The following CARS2 variants were observed in gnomAD, a reference collection of about 807,000 sequenced individuals.
CARS2 encodes probable cysteine--tRNA ligase, mitochondrial.
CARS2 carries 52 observed loss-of-function variants against 68.8 expected under a neutral mutation model. The observed-to-expected ratio is 0.76, with a 90% CI of 0.61 to 0.95. CARS2 has a LOEUF of 0.95. CARS2 is among the 40% of genes least tolerant of loss of function. The probability of loss-of-function intolerance (pLI) is 0.00; values close to 1 mark genes in which losing one functional copy is unlikely to be tolerated. For synonymous variants in CARS2, 314 were observed against 303.6 expected (o/e 1.03, Z -0.36); for missense variants, 780 against 754.2 (o/e 1.03, Z -0.40).
intron 5 of CARS2, among the ~76,000 whole-genome samples, chr13:110,685,861 G>GAC (rs2063286261): frequency 1.3e-5 from 2 of 151,922 alleles, no homozygotes; most frequent in South Asian, 4.1e-4. Flanking sequence ...GGGTCCACCA[G>GAC]ACAAAGATTA....
rs376640710 is a variant in CARS2 at position 110,705,498 on chromosome 13, A to C, written c.275+23T>G. The C allele has an allele frequency of 6.4e-7, 1 of 1,560,044 alleles. No individual in the cohort carries two copies. The highest frequency in any genetic ancestry group is 1.4e-5 in the African/African-American group (1 of 72,614). ...AAATAAATGGTCCTTTGAAGTATGA[A>C]AATTCAAATCCAGGAAACTCACCAA... On this transcript the variant is annotated intron_variant, in intron 2 of 14. Coordinates refer to ENST00000257347, the MANE Select transcript of CARS2 (RefSeq NM_024537.4). This position sits in a 1 kb window ranked among gnomAD's most constrained non-coding sequence, Gnocchi z 4.0.
At position 110,649,931 on chromosome 13, in the gene CARS2, CTTTTTTT is replaced by C. The variant is rs59276783; in HGVS notation, c.1054+1096_1054+1102del. On this transcript the variant is annotated intron_variant, in intron 10 of 14. Transcript: ENST00000257347. ...CCAGGGATGCAGCTCTGGATAACGA[CTTTTTTT>C]TTTTTTTTTTTTTTTTTGAGACAGG... Among the ~76,000 whole-genome samples the C allele has an allele frequency of 6.9e-3, 505 of 73,156 alleles. 6 individuals are homozygous for C. Among genetic ancestry groups the C allele is most frequent in the African/African-American group, 0.025 (490 of 19,278 alleles). 48.0% of individuals were successfully genotyped at this position (73,156 alleles called of 152,430 possible).
At chr13:110,693,421 G>A (rs544339900) in intron 3 of CARS2, among the ~76,000 whole-genome samples, 12 of 152,076 alleles carry the variant, frequency 7.9e-5, no homozygotes, top group African/African-American at 2.9e-4. Context: ...GTGCAGTGGC[G>A]CAATCTCGGC....
Position 110,645,785 on chromosome 13 carries a change from C to G in CARS2, c.1317+182G>C. On this transcript the variant is annotated intron_variant, in intron 12 of 14. Transcript: ENST00000257347. ...GGCCCTGAGGCCCGGGAGGGTCAAG[C>G]CCCAGGCTGGGTGCCATCCCGTGTG... The G allele has an allele frequency of 3.9e-6, 3 of 760,896 alleles. No individual in the cohort carries two copies. The South Asian group carries it at 6.0e-5, about 15-fold the overall frequency. The allele number at this position is 760,896 out of a possible 1,614,324, so 47.1% of individuals were successfully genotyped here. A position where few individuals can be genotyped will look rare whatever the true frequency, so the allele number is the denominator to read the frequency against.
intron 3 of CARS2, among the ~76,000 whole-genome samples, chr13:110,700,754 A>T (rs2063760797): frequency 6.6e-6 from 1 of 152,252 alleles, no homozygotes; most frequent in African/African-American, 2.4e-5. Flanking sequence ...CATTAGCACA[A>T]ATATGAATAC....
At chr13:110,646,198 G>A (rs919910601) in intron 11 of CARS2, 108 bp from the exon 12 acceptor site, 54 of 1,332,772 alleles carry the variant, frequency 4.1e-5, no homozygotes, top group African/African-American at 5.9e-5. Flanking sequence ...CTAATCTGGG[G>A]ACTTTCTCTA....
intron 14 of CARS2, among the ~76,000 whole-genome samples, 153 bp downstream of exon 14, chr13:110,642,162 A>G (rs2139666034): frequency 1.3e-5 from 2 of 152,272 alleles, no homozygotes; most frequent in Middle Eastern, 3.4e-3. Context: ...AGCCGAGATC[A>G]CGCCATTGCA....
chr13:110,709,809 T>TA (rs2064012231), upstream of CARS2, among the ~76,000 whole-genome samples: 1 of 152,102 alleles, frequency 6.6e-6, no homozygotes, highest in East Asian at 1.9e-4. Flanking sequence ...CATATATACA[T>TA]AAAAAGAGGA....
chr13:110,657,066 T>C (rs2062390330), intron 9 of CARS2, among the ~76,000 whole-genome samples: 1 of 152,198 alleles, frequency 6.6e-6, no homozygotes, highest in Non-Finnish European at 1.5e-5. Context: ...AGTTTTACTG[T>C]TAATGGTAAT....
Position 110,641,483 on chromosome 13 carries a change from C to G in CARS2, c.*54G>C, listed in dbSNP as rs3818499. The G allele has an allele frequency of 5.1e-3, 7,234 of 1,417,058 alleles. 225 individuals carry two copies. The African/African-American group carries it at 0.082, about 16-fold the overall frequency. The allele number at this position is 1,417,058 out of a possible 1,614,324, so 87.8% of individuals were successfully genotyped here. A position where few individuals can be genotyped will look rare whatever the true frequency, so the allele number is the denominator to read the frequency against. ...GAAGCTTTAACATAAAGCCTTGACCCTGAGAAGCATGGGTGCGTCTTGTCG... is the reference window on the plus strand; with the variant it reads ...GAAGCTTTAACATAAAGCCTTGACCGTGAGAAGCATGGGTGCGTCTTGTCG... On this transcript the variant is annotated 3_prime_UTR_variant, in exon 15 of 15. Transcript: ENST00000257347.
chr13:110,698,869 CAT>C (rs763241678), intron 3 of CARS2, among the ~76,000 whole-genome samples: 26 of 152,068 alleles, frequency 1.7e-4, no homozygotes, highest in Non-Finnish European at 2.9e-4. Flanking sequence ...AAAAATTAGT[CAT>C]GTGTGGTGGT....
chr13:110,700,870 AC>A (rs1021889124), intron 3 of CARS2, among the ~76,000 whole-genome samples: 1 of 152,206 alleles, frequency 6.6e-6, no homozygotes, highest in African/African-American at 2.4e-5. Context: ...GGAGACGACC[AC>A]AGAAGGAGGT....
chr13:110,693,109 C>CAAAAA (rs776745304), intron 3 of CARS2, among the ~76,000 whole-genome samples: 5 of 59,450 alleles, frequency 8.4e-5, no homozygotes, highest in Non-Finnish European at 1.1e-4. Context: ...GACTCTGTCT[C>CAAAAA]AAAAAAAAAA....
In CARS2 at chr13:110,687,748, G is replaced by A. The variant is rs1242957012; in HGVS notation, c.544C>T (p.Arg182Cys). The change falls in exon 5 of 15, where the codon CGT (arginine) becomes TGT (cysteine). Residue 182 changes from arginine (R) to cysteine (C), a missense_variant. By Grantham distance (180) the Arg-to-Cys change is radical (BLOSUM62 -3). Transcript: ENST00000257347. ...TTTGCCGTTGAATAAGCGTTCCCAC[G>A]AGCAATGATTCCTTCAATGAAAGAA... ...IISFIEGIIA[R>C]GNAYSTAKGN... 14 of 1,608,420 alleles carry A rather than the reference G, an allele frequency of 8.7e-6. No individual in the cohort carries two copies. The highest frequency in any genetic ancestry group is 1.7e-4 in the Middle Eastern group (1 of 5,912).
At chr13:110,696,047 G>A (rs2063614957) in intron 3 of CARS2, among the ~76,000 whole-genome samples, 1 of 152,158 alleles carries the variant, frequency 6.6e-6, no homozygotes, top group Admixed American at 6.6e-5. Flanking sequence ...TTCTGTTCCT[G>A]TGTTAGTTTG....
upstream of CARS2, chr13:110,706,168 A>ACGGCC: frequency 9.2e-7 from 1 of 1,085,898 alleles, no homozygotes. Flanking sequence ...CAAGAGCAGC[A>ACGGCC]CGGCCCCGCC....
At chr13:110,689,791 A>G (rs2139869111) in intron 3 of CARS2, among the ~76,000 whole-genome samples, 1 of 152,330 alleles carries the variant, frequency 6.6e-6, no homozygotes, top group South Asian at 2.1e-4. Context: ...TTTGTGGCAA[A>G]GCAGACCTTT....
chr13:110,655,855 G>A (rs1408800012), intron 9 of CARS2, among the ~76,000 whole-genome samples: 1 of 152,218 alleles, frequency 6.6e-6, no homozygotes, highest in Non-Finnish European at 1.5e-5. Flanking sequence ...TTGGCCTATC[G>A]TGTGTAACGG....
intron 3 of CARS2, among the ~76,000 whole-genome samples, chr13:110,693,311 G>A (rs1208090910): frequency 6.6e-6 from 1 of 152,006 alleles, no homozygotes; most frequent in South Asian, 2.1e-4. Flanking sequence ...CAATGACAAG[G>A]AGTTGTAAGT....
Sources: allele counts gnomAD v4.1 joint callset (sites outside exome capture counted in the v4.1 genomes callset), GRCh38; gene constraint gnomAD v4.1.1; non-coding constraint Gnocchi (gnomAD v3.1); transcripts MANE v1.5; gene names NCBI Gene and HGNC (gene_info 2026-07-23, HGNC 2026-07-21).